Variants in TRIM33 observed in about 807,000 individuals in gnomAD.
TRIM33 encodes the protein E3 ubiquitin-protein ligase TRIM33.
In TRIM33, 20 loss-of-function variants were observed where a neutral mutation model predicts 125.4. That is an observed-to-expected ratio of 0.16 (90% confidence interval 0.11 to 0.23). TRIM33 has a LOEUF of 0.23. Ranked by LOEUF, TRIM33 falls within the 10% of genes least tolerant of loss-of-function variation. The pLI is 1.00. For missense variants in TRIM33, 920 were observed against 1,411.4 expected (o/e 0.65, Z 5.58); for synonymous variants, 564 against 513.9 (o/e 1.10, Z -1.32).
intron 6 of TRIM33, 31 bp downstream of exon 6, chr1:114,430,767 G>A: frequency 8.5e-7 from 1 of 1,174,516 alleles, no homozygotes. Context: ...AAGAGAAGCA[G>A]TTTTTGTTTT....
intron 4 of TRIM33, among the ~76,000 whole-genome samples, chr1:114,451,963 A>C (rs1045565912): frequency 6.6e-6 from 1 of 152,238 alleles, no homozygotes; most frequent in Non-Finnish European, 1.5e-5. Flanking sequence ...AGGAAAATTT[A>C]CATCTTTTTG....
At chr1:114,425,362 T>G in intron 9 of TRIM33, 87 bp downstream of exon 9, 3 of 1,517,580 alleles carry the variant, frequency 2.0e-6, no homozygotes, top group Non-Finnish European at 2.7e-6. Flanking sequence ...CTAGTAACTT[T>G]GAAATGTGTA....
intron 1 of TRIM33, among the ~76,000 whole-genome samples, chr1:114,497,130 G>C (rs1652413952): frequency 6.6e-6 from 1 of 152,178 alleles, no homozygotes; most frequent in South Asian, 2.1e-4. Context: ...TCCCTATCAA[G>C]TTATAGCTGC....
At chr1:114,454,428 A>G (rs1572073756) in intron 4 of TRIM33, among the ~76,000 whole-genome samples, 1 of 152,234 alleles carries the variant, frequency 6.6e-6, no homozygotes, top group East Asian at 1.9e-4. Flanking sequence ...GCTCATGCCT[A>G]TATACCAAGT....
In TRIM33 at chr1:114,424,580, T is replaced by C. The variant is rs752551324; in HGVS notation, c.1860+11A>G. 6.5e-7 allele frequency: 1 copy of C among 1,540,368 alleles called. No individual in the cohort carries two copies. The highest frequency in any genetic ancestry group is 8.7e-7 in the Non-Finnish European group (1 of 1,144,908). ...ATTGTAGGATTCTTACAAATGTAAC[T>C]CTAGGCATACTTGTCTTTGGAGGTG... On this transcript the variant is annotated intron_variant, in intron 10 of 19. Transcript: ENST00000358465.
At chr1:114,436,230 G>A (rs1648284751) in intron 4 of TRIM33, among the ~76,000 whole-genome samples, 1 of 151,190 alleles carries the variant, frequency 6.6e-6, no homozygotes, top group Non-Finnish European at 1.5e-5. Context: ...GTGAAACCCT[G>A]TCTCTACTAA....
intron 14 of TRIM33, among the ~76,000 whole-genome samples, chr1:114,406,529 A>T (rs919140351): frequency 4.6e-5 from 7 of 152,220 alleles, no homozygotes; most frequent in Non-Finnish European, 1.5e-5. Flanking sequence ...ACTTCCTATC[A>T]CAAAACTCTG....
chr1:114,469,015 T>G (rs1032813658), intron 1 of TRIM33: 1 of 229,096 alleles, frequency 4.4e-6, no homozygotes, highest in African/African-American at 2.4e-5. Context: ...TCTTGCATTT[T>G]TGTTGGCTGA....
At chr1:114,421,144 A>C (rs1189472659) in intron 11 of TRIM33, among the ~76,000 whole-genome samples, 2 of 152,194 alleles carry the variant, frequency 1.3e-5, no homozygotes, top group Non-Finnish European at 2.9e-5. Flanking sequence ...ACAAATGCTG[A>C]CTAATCTCAC....
intron 13 of TRIM33, among the ~76,000 whole-genome samples, chr1:114,407,358 GCACA>G (rs1322249688): frequency 6.6e-6 from 1 of 150,860 alleles, no homozygotes; most frequent in Non-Finnish European, 1.5e-5. Flanking sequence ...ACACACACAC[GCACA>G]CACACACACT....
At position 114,427,225 on chromosome 1, in the gene TRIM33, G is replaced by T; in HGVS notation, c.1372C>A (p.Arg458Ser). ...DPVPAANGAI[R>S]FHCDPTFWAK... Reference sequence around the variant, plus strand: ...CAGAAGGTGGGATCACAATGGAAACGTATTGCTCCATTAGCAGCAGGGACA... The same window carrying T: ...CAGAAGGTGGGATCACAATGGAAACTTATTGCTCCATTAGCAGCAGGGACA... Residue 458 changes from arginine to serine, a missense_variant, in exon 8 of 20, where the codon CGT becomes AGT. Arg to Ser is a moderately radical substitution (Grantham distance 110). Around this residue, in one of 8 missense-constraint regions of TRIM33, gnomAD observed 407 missense variants for 589.7 expected, o/e 0.69. Coordinates refer to ENST00000358465, the MANE Select transcript of TRIM33 (RefSeq NM_015906.4). 1 of 1,605,036 alleles carries T rather than the reference G, an allele frequency of 6.2e-7. No homozygotes were observed. Among genetic ancestry groups the T allele is most frequent in the Non-Finnish European group, 8.5e-7 (1 of 1,173,752 alleles).
chr1:114,396,671 A>C lies in TRIM33; in HGVS notation c.*977T>G, dbSNP rs1332740108. The C allele has an allele frequency of 4.9e-6, 1 of 203,434 alleles. No homozygotes were observed. Among genetic ancestry groups the C allele is most frequent in the African/African-American group, 2.3e-5 (1 of 43,696 alleles). The allele number at this position is 203,434 out of a possible 1,614,324, so 12.6% of individuals were successfully genotyped here. A position where few individuals can be genotyped will look rare whatever the true frequency, so the allele number is the denominator to read the frequency against. Reference sequence around the variant, plus strand: ...TGCCAAAAGTTTTAGTTCACTATTTACAAATAAGACAAAGTGAAATACAGA... The same window carrying C: ...TGCCAAAAGTTTTAGTTCACTATTTCCAAATAAGACAAAGTGAAATACAGA... On this transcript the variant is annotated 3_prime_UTR_variant, in exon 20 of 20. Transcript: ENST00000358465.
At position 114,455,879 on chromosome 1, in the gene TRIM33, G is replaced by A. The variant is rs1277684969; in HGVS notation, c.923+7225C>T. Among the ~76,000 whole-genome samples, 3 of 152,190 alleles carry A rather than the reference G, an allele frequency of 2.0e-5. 1 individual carries two copies. The East Asian group carries it at 5.8e-4, about 29-fold the overall frequency. On this transcript the variant is annotated intron_variant, in intron 4 of 19. Coordinates refer to ENST00000358465, the MANE Select transcript of TRIM33 (RefSeq NM_015906.4). ...GCAGATTACTCAAGATGAAGACAGAGAGGTCAACCAGCAACTGGGGAACTA... is the reference window on the plus strand; with the variant it reads ...GCAGATTACTCAAGATGAAGACAGAAAGGTCAACCAGCAACTGGGGAACTA...
intron 1 of TRIM33, among the ~76,000 whole-genome samples, chr1:114,486,392 C>T (rs774156057): frequency 1.3e-4 from 19 of 151,420 alleles, no homozygotes; most frequent in Non-Finnish European, 2.5e-4. Flanking sequence ...GAAATGGAGA[C>T]GGGCAGATAA....
chr1:114,470,012 T>C (rs548430319), intron 1 of TRIM33, among the ~76,000 whole-genome samples: 1 of 152,352 alleles, frequency 6.6e-6, no homozygotes, highest in East Asian at 1.9e-4. Context: ...AGAATGAAGC[T>C]GGCTTAAGGT....
chr1:114,475,108 G>C (rs375648390), intron 1 of TRIM33, among the ~76,000 whole-genome samples: 1 of 152,028 alleles, frequency 6.6e-6, no homozygotes, highest in Non-Finnish European at 1.5e-5. Context: ...AAACAGAAAT[G>C]AACATGAAGA....
At chr1:114,505,714 C>T (rs930005573) in intron 1 of TRIM33, among the ~76,000 whole-genome samples, 1 of 152,170 alleles carries the variant, frequency 6.6e-6, no homozygotes. Context: ...ATTACAGGTG[C>T]CTGCCACCAC....
chr1:114,454,517 C>T (rs1301109485), intron 4 of TRIM33, among the ~76,000 whole-genome samples: 3 of 150,150 alleles, frequency 2.0e-5, no homozygotes, highest in African/African-American at 7.4e-5. Flanking sequence ...AAGTCTTCAT[C>T]TCTACAAAAA....
chr1:114,488,498 T>C (rs1337932575), intron 1 of TRIM33, among the ~76,000 whole-genome samples: 1 of 152,140 alleles, frequency 6.6e-6, no homozygotes. Flanking sequence ...GCACAGTGGC[T>C]CACACCTGTA....
Sources: allele counts gnomAD v4.1 joint callset (sites outside exome capture counted in the v4.1 genomes callset), GRCh38; gene constraint gnomAD v4.1.1; regional missense constraint gnomAD v4.1.1; transcripts MANE v1.5; gene names NCBI Gene and HGNC (gene_info 2026-07-23, HGNC 2026-07-21).